Variants in MBTPS2 observed in about 807,000 individuals in gnomAD.
MBTPS2 encodes the protein membrane-bound transcription factor site-2 protease.
MBTPS2 carries 2 observed loss-of-function variants against 35.4 expected under a neutral mutation model. That is an observed-to-expected ratio of 0.06 (90% CI 0.02 to 0.18). The LOEUF (loss-of-function observed/expected upper bound fraction) is 0.18, where lower values mean the gene tolerates loss of function less well. Ranked by LOEUF, MBTPS2 falls within the 10% of genes least tolerant of loss-of-function variation. MBTPS2 has a pLI of 1.00. For missense variants in MBTPS2, 244 were observed against 386.5 expected (o/e 0.63, Z 3.09); for synonymous variants, 125 against 140.4 (o/e 0.89, Z 0.77).
Position 21,884,525 on chromosome X carries a change from A to T in MBTPS2, c.*1870A>T. ...AAAAACGAAACCCAAATCTCATTTTATTTCAACTGTTAAACATTTTGATCT... is the reference window on the plus strand; with the variant it reads ...AAAAACGAAACCCAAATCTCATTTTTTTTCAACTGTTAAACATTTTGATCT... On this transcript the variant is annotated 3_prime_UTR_variant, in exon 11 of 11. Coordinates refer to ENST00000379484, the MANE Select transcript of MBTPS2 (RefSeq NM_015884.4). The T allele has an allele frequency of 2.7e-6, 2 of 754,042 alleles. No homozygotes were observed. The highest frequency in any genetic ancestry group is 3.1e-6 in the Non-Finnish European group (2 of 638,866). 62.1% of individuals were successfully genotyped at this position (754,042 alleles called of 1,213,427 possible).
intron 9 of MBTPS2, among the ~76,000 whole-genome samples, chrX:21,880,198 G>T (rs758867482): frequency 5.5e-5 from 6 of 109,581 alleles, no homozygotes; most frequent in Non-Finnish European, 1.1e-4. Context: ...CAGGTGATCT[G>T]CCCGCCTTGG....
In MBTPS2 at chrX:21,885,377, G is replaced by C; in HGVS notation, c.*2722G>C. On this transcript the variant is annotated 3_prime_UTR_variant, in exon 11 of 11. Transcript: ENST00000379484. ...GAAGGTATCGTAATTGCCGGCATTTGATGTTTAGCAATAAAAGAATAAATG... is the reference window on the plus strand; with the variant it reads ...GAAGGTATCGTAATTGCCGGCATTTCATGTTTAGCAATAAAAGAATAAATG... The C allele has an allele frequency of 2.7e-6, 2 of 750,455 alleles. No homozygotes were observed. The highest frequency in any genetic ancestry group is 3.1e-6 in the Non-Finnish European group (2 of 635,900). 61.8% of individuals were successfully genotyped at this position (750,455 alleles called of 1,213,427 possible). A position where few individuals can be genotyped will look rare whatever the true frequency, so the allele number is the denominator to read the frequency against.
At chrX:21,868,709 T>C in intron 6 of MBTPS2, 124 bp downstream of exon 6, 3 of 555,919 alleles carry the variant, frequency 5.4e-6, no homozygotes, top group Non-Finnish European at 9.7e-6. Context: ...TCTGAAGAAA[T>C]TACTGTAGTC....
rs756410992 is a variant in MBTPS2, at chrX:21,876,606, C to A, written c.971-1436C>A. The stretch of plus-strand genomic sequence containing the variant: ...AAACAGAACAAAGAACAAAATTACC[C>A]ATACAGCCAATCACCAGTTAGTTTC... On this transcript the variant is annotated intron_variant, in intron 7 of 10. Transcript: ENST00000379484. Among the ~76,000 whole-genome samples, 8 of 109,479 alleles carry A rather than the reference C, an allele frequency of 7.3e-5. No homozygotes were observed. In the South Asian group the frequency reaches 3.2e-3, roughly 44 times the overall value.
intron 5 of MBTPS2, among the ~76,000 whole-genome samples, chrX:21,861,933 G>A (rs1297005743): frequency 8.9e-6 from 1 of 112,001 alleles, no homozygotes; most frequent in African/African-American, 3.2e-5. Flanking sequence ...TGTTAGCTAG[G>A]TATTTGGCTG....
chrX:21,856,507 C>T (rs887182191), intron 5 of MBTPS2: 38 of 1,207,526 alleles, frequency 3.1e-5, no homozygotes, highest in Non-Finnish European at 3.8e-5. Flanking sequence ...GAAGATTTCT[C>T]CATCACACAA....
chrX:21,864,036 CTG>C (rs2092936547), intron 5 of MBTPS2, among the ~76,000 whole-genome samples: 2 of 112,098 alleles, frequency 1.8e-5, no homozygotes, highest in South Asian at 7.4e-4. Context: ...CGTGGGAAAC[CTG>C]TGTGTTCCTC....
intron 7 of MBTPS2, among the ~76,000 whole-genome samples, 195 bp from the exon 8 acceptor site, chrX:21,877,847 A>T (rs1277999786): frequency 8.9e-6 from 1 of 112,274 alleles, no homozygotes; most frequent in African/African-American, 3.2e-5. Flanking sequence ...CTGCTTCATG[A>T]TTTAAAATTG....
chrX:21,877,674 C>T (rs2092954698), intron 7 of MBTPS2, among the ~76,000 whole-genome samples: 1 of 111,477 alleles, frequency 9.0e-6, no homozygotes, highest in Non-Finnish European at 1.9e-5. Context: ...TGCAGGGGTT[C>T]AGCAGTAATG....
At chrX:21,881,934 TCAA>T (rs1023820088) in intron 10 of MBTPS2, among the ~76,000 whole-genome samples, 1 of 111,422 alleles carries the variant, frequency 9.0e-6, no homozygotes, top group Admixed American at 9.6e-5. Flanking sequence ...AGACTCCATC[TCAA>T]CAACAACAAC....
intron 5 of MBTPS2, chrX:21,857,711 A>C (rs1205906974): frequency 1.3e-5 from 12 of 901,796 alleles, no homozygotes; most frequent in Non-Finnish European, 1.8e-5. Flanking sequence ...TTTAAAAAAA[A>C]ATGAATCCTG....
At chrX:21,846,098 G>A (rs772913521) in intron 3 of MBTPS2, among the ~76,000 whole-genome samples, 16 of 111,050 alleles carry the variant, frequency 1.4e-4, no homozygotes, top group Non-Finnish European at 2.8e-4. Flanking sequence ...TCCTCTACTA[G>A]GCTGGGTCAC....
intron 9 of MBTPS2, among the ~76,000 whole-genome samples, chrX:21,879,558 G>A (rs1414538944): frequency 1.8e-5 from 2 of 111,269 alleles, no homozygotes; most frequent in Non-Finnish European, 1.9e-5. Context: ...GGGATTACAG[G>A]CAAGAGGCAC....
At chrX:21,850,843 T>C (rs182242569) in intron 3 of MBTPS2, among the ~76,000 whole-genome samples, 55 of 111,445 alleles carry the variant, frequency 4.9e-4, no homozygotes, top group African/African-American at 1.7e-3. Flanking sequence ...ATTTCGACAT[T>C]AAATTTCAAT....
chrX:21,853,289 C>T (rs1482806237), intron 4 of MBTPS2, 87 bp from the exon 5 acceptor site: 15 of 705,513 alleles, frequency 2.1e-5, no homozygotes, highest in Non-Finnish European at 2.5e-5. Context: ...ATTCAAATTA[C>T]AGTGAAAAGT....
In MBTPS2 at chrX:21,869,924, T is replaced by C. The variant is rs1165582769; in HGVS notation, c.970+246T>C. 6 of 330,797 alleles carry C rather than the reference T, an allele frequency of 1.8e-5. No individual in the cohort carries two copies. The East Asian group carries it at 3.4e-4, about 19-fold the overall frequency. The allele number at this position is 330,797 out of a possible 1,213,427, so 27.3% of individuals were successfully genotyped here. On this transcript the variant is annotated intron_variant, in intron 7 of 10. Coordinates refer to ENST00000379484, the MANE Select transcript of MBTPS2 (RefSeq NM_015884.4). ...TCATATTTAACTTTTAGGACTCTAA[T>C]ATTTTCTGCTTTCAAAACACTTGTA...
intron 6 of MBTPS2, 32 bp from the exon 7 acceptor site, chrX:21,869,466 A>G (rs1386899682): frequency 9.0e-7 from 1 of 1,115,145 alleles, no homozygotes; most frequent in Non-Finnish European, 1.2e-6. Flanking sequence ...GTCTTCATGC[A>G]TTATCTGATT....
chrX:21,878,007 T>A (rs780520423), intron 7 of MBTPS2, 35 bp from the exon 8 acceptor site: 9 of 916,067 alleles, frequency 9.8e-6, no homozygotes, highest in Non-Finnish European at 1.3e-5. Context: ...TATTTTTATA[T>A]AAGAGACTCT....
At chrX:21,856,329 C>T (rs2092921834) in intron 5 of MBTPS2, 1 of 495,873 alleles carries the variant, frequency 2.0e-6, no homozygotes, top group Non-Finnish European at 3.4e-6. Context: ...GCGCCTTTCT[C>T]TGCAGCTCGC....
Sources: gnomAD v4.1 joint callset for allele counts (sites outside exome capture counted in the v4.1 genomes callset) on GRCh38, gnomAD v4.1.1 for gene constraint, MANE v1.5 for transcripts, NCBI Gene and HGNC (gene_info 2026-07-23, HGNC 2026-07-21) for gene names.